NSMCE1: variants seen among roughly 807,000 people sequenced by gnomAD.
NSMCE1 encodes the protein non-structural maintenance of chromosomes element 1 homolog.
NSMCE1 carries 18 observed loss-of-function variants against 29.6 expected under a neutral mutation model. The ratio of observed to expected loss-of-function variants is 0.61; its 90% CI spans 0.42 to 0.90. The LOEUF is 0.90. Ranked by LOEUF, NSMCE1 falls within the 40% of genes least tolerant of loss-of-function variation. NSMCE1 has a pLI of 0.00. For missense variants in NSMCE1, 314 were observed against 343.6 expected (o/e 0.91, Z 0.68); for synonymous variants, 124 against 133.4 (o/e 0.93, Z 0.49).
chr16:27,260,741 C>A (rs1384755046), intron 1 of NSMCE1, among the ~76,000 whole-genome samples: 1 of 150,824 alleles, frequency 6.6e-6, no homozygotes, highest in Non-Finnish European at 1.5e-5. Context: ...CCTCCGTAGT[C>A]CCAGCTATTT....
chr16:27,251,175 T>TAAAA (rs2084026691), intron 2 of NSMCE1, among the ~76,000 whole-genome samples: 1 of 51,400 alleles, frequency 1.9e-5, no homozygotes, highest in African/African-American at 2.2e-4. Context: ...TATATATATA[T>TAAAA]ATATATATAT....
chr16:27,239,925 G>C (rs2140996071), intron 2 of NSMCE1, among the ~76,000 whole-genome samples: 1 of 151,696 alleles, frequency 6.6e-6, no homozygotes, highest in Middle Eastern at 3.4e-3. Flanking sequence ...CAAGGGGCCT[G>C]CAAATGTGTG....
chr16:27,230,066 T>C (rs1596671106), intron 5 of NSMCE1, among the ~76,000 whole-genome samples: 1 of 152,156 alleles, frequency 6.6e-6, no homozygotes, highest in East Asian at 1.9e-4. Flanking sequence ...CAGGACCTCG[T>C]GTAGGGAGCA....
intron 2 of NSMCE1, among the ~76,000 whole-genome samples, chr16:27,251,542 G>T (rs768580931): frequency 6.6e-6 from 1 of 152,102 alleles, no homozygotes; most frequent in Non-Finnish European, 1.5e-5. Context: ...GCACGTTAAC[G>T]TCTACGCTCA....
rs1196052297 is a variant in NSMCE1 at position 27,244,451 on chromosome 16, G to A, written c.137-9152C>T. On this transcript the variant is annotated intron_variant, in intron 2 of 7. Coordinates refer to ENST00000361439, the MANE Select transcript of NSMCE1 (RefSeq NM_145080.4). Reference sequence around the variant, plus strand: ...TCCACATGCAGCTGAGTGGAGCCAGGTCCCAGCACTCAGCCTGGAAGATGT... The same window carrying A: ...TCCACATGCAGCTGAGTGGAGCCAGATCCCAGCACTCAGCCTGGAAGATGT... Among the ~76,000 whole-genome samples, 9 of 152,154 alleles carry A rather than the reference G, an allele frequency of 5.9e-5. No homozygotes were observed. The East Asian group carries it at 1.5e-3, about 26-fold the overall frequency.
intron 2 of NSMCE1, among the ~76,000 whole-genome samples, chr16:27,237,431 G>T (rs2083838020): frequency 1.3e-5 from 2 of 152,218 alleles, no homozygotes; most frequent in Non-Finnish European, 2.9e-5. Flanking sequence ...CAGCATGCAA[G>T]GCAGCTCTTT....
intron 1 of NSMCE1, among the ~76,000 whole-genome samples, chr16:27,265,738 T>C (rs1437870138): frequency 1.3e-5 from 2 of 152,322 alleles, no homozygotes; most frequent in African/African-American, 4.8e-5. Context: ...TCAACACGCA[T>C]ACTTCTCAGA....
rs2083768369 is a variant in NSMCE1, at chr16:27,232,077, C to A, written c.483+924G>T. 6.6e-6 allele frequency among the ~76,000 whole-genome samples: 1 copy of A among 152,140 alleles called. No homozygotes were observed. The highest frequency in any genetic ancestry group is 2.4e-5 in the African/African-American group (1 of 41,432). On this transcript the variant is annotated intron_variant, in intron 5 of 7. Transcript: ENST00000361439. The surrounding 1 kb of genome is among the most constrained non-coding windows in gnomAD (Gnocchi z 4.5). Reference sequence around the variant, plus strand: ...CCACCCTAAATAGAAATCAGTAACTCAGAACACAGACTTCCCCAACCCAGA... The same window carrying A: ...CCACCCTAAATAGAAATCAGTAACTAAGAACACAGACTTCCCCAACCCAGA...
rs554651930 is a variant in NSMCE1 at position 27,226,035 on chromosome 16, G to A, written c.601-189C>T. ...CTTTTGTTTGCTTGCTGCTTGTTGC[G>A]GTGGGTTTTACTAAACAATTCTGAA... On this transcript the variant is annotated intron_variant, in intron 6 of 7. Coordinates refer to ENST00000361439, the MANE Select transcript of NSMCE1 (RefSeq NM_145080.4). 215 of 641,794 alleles carry A rather than the reference G, an allele frequency of 3.3e-4. No homozygotes were observed. The African/African-American group carries it at 3.6e-3, about 11-fold the overall frequency. The allele number at this position is 641,794 out of a possible 1,614,324, so 39.8% of individuals were successfully genotyped here. A position where few individuals can be genotyped will look rare whatever the true frequency, so the allele number is the denominator to read the frequency against.
At chr16:27,251,825 T>C (rs1406290143) in intron 2 of NSMCE1, among the ~76,000 whole-genome samples, 1 of 152,212 alleles carries the variant, frequency 6.6e-6, no homozygotes, top group Non-Finnish European at 1.5e-5. Context: ...AGCGGGATCC[T>C]TGAGTGGAGG....
chr16:27,225,974 T>C (rs1596666566), intron 6 of NSMCE1, 128 bp from the exon 7 acceptor site: 3 of 1,115,344 alleles, frequency 2.7e-6, no homozygotes, highest in African/African-American at 1.5e-5. Context: ...CAGATTAATA[T>C]TGAAAATAAT....
intron 2 of NSMCE1, 41 bp downstream of exon 2, chr16:27,257,394 A>C: frequency 6.4e-7 from 1 of 1,569,068 alleles, no homozygotes; most frequent in Non-Finnish European, 8.7e-7. Context: ...CCTGATCAAC[A>C]CAGCACCAGA....
intron 2 of NSMCE1, among the ~76,000 whole-genome samples, chr16:27,237,215 C>T (rs12445506): frequency 5.3e-5 from 8 of 152,068 alleles, no homozygotes; most frequent in Non-Finnish European, 1.0e-4. Context: ...GTGGTGAGAT[C>T]GTAACATATG....
intron 2 of NSMCE1, among the ~76,000 whole-genome samples, chr16:27,254,962 A>G (rs2084071465): frequency 7.4e-6 from 1 of 135,056 alleles, no homozygotes; most frequent in Non-Finnish European, 1.5e-5. Context: ...TCACTGCAGC[A>G]TCTGCCTCCC....
rs150725455 is a variant in NSMCE1 at position 27,226,974 on chromosome 16, C to T, written c.484-138G>A. On this transcript the variant is annotated intron_variant, in intron 5 of 7. Coordinates refer to ENST00000361439, the MANE Select transcript of NSMCE1 (RefSeq NM_145080.4). ...GCAGCTTTTCACCAACCCCAGCCAA[C>T]GGGCATCAGCCACATCCCCCTGGCA... 2,121 of 637,590 alleles carry T rather than the reference C, an allele frequency of 3.3e-3. 7 individuals are homozygous for T. The highest frequency in any genetic ancestry group is 5.0e-3 in the Non-Finnish European group (1,766 of 355,840). The allele number at this position is 637,590 out of a possible 1,614,324, so 39.5% of individuals were successfully genotyped here. A position where few individuals can be genotyped will look rare whatever the true frequency, so the allele number is the denominator to read the frequency against.
At chr16:27,243,654 T>C (rs993652200) in intron 2 of NSMCE1, among the ~76,000 whole-genome samples, 32 of 152,278 alleles carry the variant, frequency 2.1e-4, no homozygotes, top group African/African-American at 7.5e-4. Flanking sequence ...CTAATTGATT[T>C]TATTTTATAT....
chr16:27,255,731 T>C (rs2084080177), intron 2 of NSMCE1, among the ~76,000 whole-genome samples: 3 of 152,306 alleles, frequency 2.0e-5, no homozygotes, highest in East Asian at 1.9e-4. Flanking sequence ...AGAATATTCG[T>C]TTCTGTTCTG....
At position 27,230,065 on chromosome 16, in the gene NSMCE1, G is replaced by T. The variant is rs538478006; in HGVS notation, c.483+2936C>A. Among the ~76,000 whole-genome samples, 38 of 152,318 alleles carry T rather than the reference G, an allele frequency of 2.5e-4. No homozygotes were observed. In the South Asian group the frequency reaches 3.3e-3, roughly 13 times the overall value. ...CACAACACTTGGAAGTCAGGACCTC[G>T]TGTAGGGAGCAGTCCTGGGGTGTAT... is the stretch of plus-strand genomic sequence containing the variant. On this transcript the variant is annotated intron_variant, in intron 5 of 7. Coordinates refer to ENST00000361439, the MANE Select transcript of NSMCE1 (RefSeq NM_145080.4).
chr16:27,249,122 G>T (rs547179366), intron 2 of NSMCE1, among the ~76,000 whole-genome samples: 1 of 152,316 alleles, frequency 6.6e-6, no homozygotes, highest in Admixed American at 6.5e-5. Flanking sequence ...GAGCCACCAC[G>T]CCCAGCCGGG....
Sources: allele counts gnomAD v4.1 joint callset (sites outside exome capture counted in the v4.1 genomes callset), GRCh38; gene constraint gnomAD v4.1.1; non-coding constraint Gnocchi (gnomAD v3.1); transcripts MANE v1.5; gene names NCBI Gene and HGNC (gene_info 2026-07-23, HGNC 2026-07-21).